Variants in NCMAP observed in about 807,000 individuals in gnomAD.
NCMAP encodes non-compact myelin associated protein, also known as noncompact myelin-associated protein.
NCMAP carries 8 observed loss-of-function variants against 7.8 expected under a neutral mutation model. The observed-to-expected ratio is 1.02, with a 90% CI of 0.60 to 1.84. The LOEUF is 1.84. Among genes scored for constraint, NCMAP ranks in the 40% most tolerant of loss-of-function variants. The pLI is 0.00. For missense variants in NCMAP, 112 were observed against 131.4 expected (o/e 0.85, Z 0.72); for synonymous variants, 41 against 52.9 (o/e 0.78, Z 0.98).
chr1:24,585,717 C>T (rs1651863681), intron 1 of NCMAP, among the ~76,000 whole-genome samples: 1 of 152,192 alleles, frequency 6.6e-6, no homozygotes, highest in African/African-American at 2.4e-5. Context: ...CTTCCCCTGC[C>T]CAGCCACAGC....
At chr1:24,587,275 T>C (rs1042904947) in intron 1 of NCMAP, among the ~76,000 whole-genome samples, 3 of 152,322 alleles carry the variant, frequency 2.0e-5, no homozygotes, top group Non-Finnish European at 4.4e-5. Context: ...TGAGAATATT[T>C]ACCCCAGAGA....
chr1:24,587,213 G>C (rs1379552879), intron 1 of NCMAP, among the ~76,000 whole-genome samples: 1 of 152,134 alleles, frequency 6.6e-6, no homozygotes, highest in East Asian at 1.9e-4. Context: ...TGACACAGAG[G>C]AATGAGGAAC....
intron 1 of NCMAP, among the ~76,000 whole-genome samples, chr1:24,560,438 C>T (rs542863260): frequency 6.6e-6 from 1 of 152,348 alleles, no homozygotes; most frequent in Admixed American, 6.5e-5. Context: ...TCATCTGTTC[C>T]TCCACCTGGG....
Position 24,606,140 on chromosome 1 carries a change from T to C in NCMAP, c.*393T>C, listed in dbSNP as rs1270471161. On this transcript the variant is annotated 3_prime_UTR_variant, in exon 4 of 4. Transcript: ENST00000374392. Reference sequence around the variant, plus strand: ...GATCTGTCACGGGGTTCATATCAGATGAAGCGCCGTATCCACTGCTTCACA... The same window carrying C: ...GATCTGTCACGGGGTTCATATCAGACGAAGCGCCGTATCCACTGCTTCACA... The C allele has an allele frequency of 2.9e-5, 5 of 173,136 alleles. No individual in the cohort carries two copies. Among genetic ancestry groups the C allele is most frequent in the Admixed American group, 1.8e-4 (3 of 16,660 alleles). The allele number at this position is 173,136 out of a possible 1,614,324, so 10.7% of individuals were successfully genotyped here.
intron 1 of NCMAP, among the ~76,000 whole-genome samples, chr1:24,574,711 G>A (rs1209255765): frequency 1.3e-5 from 2 of 152,010 alleles, no homozygotes; most frequent in Admixed American, 6.6e-5. Context: ...CACTGGAGAC[G>A]GTGTCCAGGA....
chr1:24,581,122 C>CTTT (rs5773095), intron 1 of NCMAP, among the ~76,000 whole-genome samples: 1 of 142,018 alleles, frequency 7.0e-6, no homozygotes, highest in Non-Finnish European at 1.5e-5. Context: ...GTCCTTTCTG[C>CTTT]TTTTTTTTTT....
intron 1 of NCMAP, among the ~76,000 whole-genome samples, chr1:24,561,814 G>C (rs1651061753): frequency 6.6e-6 from 1 of 152,014 alleles, no homozygotes; most frequent in African/African-American, 2.4e-5. Flanking sequence ...GGATGCCGAG[G>C]GAGGAGAATC....
chr1:24,587,600 G>A (rs1651928451), intron 1 of NCMAP, among the ~76,000 whole-genome samples: 1 of 151,828 alleles, frequency 6.6e-6, no homozygotes, highest in African/African-American at 2.4e-5. Flanking sequence ...TGCAGCCTCT[G>A]CCTCCCAGGC....
At chr1:24,589,064 G>C (rs980988432) in intron 1 of NCMAP, among the ~76,000 whole-genome samples, 1 of 152,164 alleles carries the variant, frequency 6.6e-6, no homozygotes, top group Admixed American at 6.5e-5. Flanking sequence ...TTTCTTCTCT[G>C]CTCCAAGCCT....
chr1:24,586,346 C>T (rs1328708221), intron 1 of NCMAP, among the ~76,000 whole-genome samples: 1 of 152,196 alleles, frequency 6.6e-6, no homozygotes, highest in African/African-American at 2.4e-5. Flanking sequence ...ATGCAAAGTC[C>T]TGATTGTCAG....
At chr1:24,568,810 CAG>C (rs1413745240) in intron 1 of NCMAP, among the ~76,000 whole-genome samples, 3 of 152,030 alleles carry the variant, frequency 2.0e-5, no homozygotes, top group African/African-American at 7.2e-5. Context: ...TTATTAGAGA[CAG>C]GGGTCTCGAT....
At chr1:24,562,873 C>T (rs1027306124) in intron 1 of NCMAP, among the ~76,000 whole-genome samples, 2 of 152,232 alleles carry the variant, frequency 1.3e-5, no homozygotes, top group African/African-American at 4.8e-5. Context: ...GGCAGAGTGC[C>T]AGGCAGAAAA....
intron 1 of NCMAP, among the ~76,000 whole-genome samples, chr1:24,593,329 AAAG>A (rs1318292973): frequency 1.3e-5 from 2 of 152,196 alleles, no homozygotes; most frequent in South Asian, 2.1e-4. Flanking sequence ...TATAAAAAAA[AAAG>A]AGTTTTTTTA....
At chr1:24,599,963 A>T (rs181986635) in intron 2 of NCMAP, among the ~76,000 whole-genome samples, 1 of 151,672 alleles carries the variant, frequency 6.6e-6, no homozygotes, top group Admixed American at 6.6e-5. Context: ...ATTGAAACAT[A>T]TAAGTATTAA....
chr1:24,607,851 G>A lies in NCMAP; in HGVS notation c.*2104G>A, dbSNP rs1468164346. 1 of 152,348 alleles carries A rather than the reference G, an allele frequency of 6.6e-6. No homozygotes were observed. The highest frequency in any genetic ancestry group is 1.9e-4 in the East Asian group (1 of 5,194). The allele number at this position is 152,348 out of a possible 1,614,324, so 9.4% of individuals were successfully genotyped here. On this transcript the variant is annotated 3_prime_UTR_variant, in exon 4 of 4. Transcript: ENST00000374392. ...TGCACTCCAGCCTGGGCAACAGAGTGAAACTGCATCTCAAAAAAAGAAAAA... is the reference window on the plus strand; with the variant it reads ...TGCACTCCAGCCTGGGCAACAGAGTAAAACTGCATCTCAAAAAAAGAAAAA...
At chr1:24,594,801 G>A (rs1316044032) in intron 1 of NCMAP, among the ~76,000 whole-genome samples, 1 of 152,126 alleles carries the variant, frequency 6.6e-6, no homozygotes, top group East Asian at 1.9e-4. Context: ...GAGGTGGGAA[G>A]ATCACCTGAG....
At chr1:24,559,927 C>T (rs575631046) in intron 1 of NCMAP, among the ~76,000 whole-genome samples, 9 of 152,030 alleles carry the variant, frequency 5.9e-5, no homozygotes, top group South Asian at 2.1e-4. Context: ...TTTGGGAGGC[C>T]GAGGCAGGTG....
Position 24,556,151 on chromosome 1 carries a change from G to C in NCMAP, c.-26G>C, listed in dbSNP as rs1006722482. On this transcript the variant is annotated 5_prime_UTR_variant, in exon 1 of 4. Transcript: ENST00000374392. ...CGCGGCGGTGCCGGCGGGAGGCCGA[G>C]CGGGGCTCGACAGAGCAGGTAGGAG... 3.9e-5 allele frequency: 6 copies of C among 152,674 alleles called. No homozygotes were observed. The highest frequency in any genetic ancestry group is 8.8e-5 in the Non-Finnish European group (6 of 68,126). 9.5% of individuals were successfully genotyped at this position (152,674 alleles called of 1,614,324 possible).
chr1:24,599,135 C>T (rs1218205915), intron 2 of NCMAP, among the ~76,000 whole-genome samples: 1 of 151,418 alleles, frequency 6.6e-6, no homozygotes, highest in South Asian at 2.1e-4. Context: ...CTAAAATTAG[C>T]CAGGTGTAAT....
Sources: allele counts gnomAD v4.1 joint callset (sites outside exome capture counted in the v4.1 genomes callset), GRCh38; gene constraint gnomAD v4.1.1; transcripts MANE v1.5; gene names NCBI Gene and HGNC (gene_info 2026-07-23, HGNC 2026-07-21).